Variants in PSMD1 observed in about 807,000 individuals in gnomAD.
The protein encoded by PSMD1 is 26S proteasome non-ATPase regulatory subunit 1.
Under a neutral mutation model 119.0 loss-of-function variants are expected in PSMD1, and 18 were observed. That is an observed-to-expected ratio of 0.15 (90% CI 0.10 to 0.22). The LOEUF (loss-of-function observed/expected upper bound fraction) is 0.22. Among genes scored for constraint, PSMD1 ranks in the 10% least tolerant of loss-of-function variants. PSMD1 has a pLI of 1.00. For missense variants in PSMD1, 702 were observed against 1,158.5 expected, an observed-to-expected ratio of 0.61 and a Z score of 5.72; for synonymous variants, 374 against 396.6, an observed-to-expected ratio of 0.94 and a Z score of 0.68.
intron 17 of PSMD1, among the ~76,000 whole-genome samples, chr2:231,142,010 GTAGC>G (rs1055721024): frequency 6.6e-6 from 1 of 152,106 alleles, no homozygotes; most frequent in Admixed American, 6.5e-5. Flanking sequence ...AGCTTCCTGA[GTAGC>G]TGGGATTACA....
At position 231,096,480 on chromosome 2, in the gene PSMD1, C is replaced by T. The variant is rs12620023; in HGVS notation, c.1883+9299C>T. 1.6e-3 allele frequency among the ~76,000 whole-genome samples: 240 copies of T among 152,304 alleles called. 1 individual carries two copies. The East Asian group carries it at 0.045, about 28-fold the overall frequency. ...GATGTTACTGGGACCCATTGCCCTT[C>T]TGCATGATGTTGTTTAAGATTTCTC... On this transcript the variant is annotated intron_variant, in intron 16 of 24. Coordinates refer to ENST00000308696, the MANE Select transcript of PSMD1 (RefSeq NM_002807.4).
chr2:231,077,219 A>AT (rs1559221062), intron 9 of PSMD1, 57 bp downstream of exon 9: 3 of 1,137,094 alleles, frequency 2.6e-6, no homozygotes, highest in Non-Finnish European at 2.4e-6. Context: ...TTTGTTGCAT[A>AT]TAAGTAATTA....
intron 5 of PSMD1, among the ~76,000 whole-genome samples, chr2:231,067,479 G>A (rs1430865303): frequency 2.0e-5 from 3 of 152,082 alleles, no homozygotes; most frequent in East Asian, 1.9e-4. Flanking sequence ...GTCACCAACC[G>A]AAGTGGTCAG....
chr2:231,118,232 A>C (rs1364360092), intron 16 of PSMD1, among the ~76,000 whole-genome samples: 1 of 152,136 alleles, frequency 6.6e-6, no homozygotes, highest in Non-Finnish European at 1.5e-5. Context: ...CACTCAATAA[A>C]TGTTAGTGCT....
chr2:231,098,460 T>G (rs1298476446), intron 16 of PSMD1, among the ~76,000 whole-genome samples: 1 of 147,244 alleles, frequency 6.8e-6, no homozygotes, highest in Non-Finnish European at 1.5e-5. Flanking sequence ...TCTCTCTCTC[T>G]GTCTCTTTCT....
intron 18 of PSMD1, among the ~76,000 whole-genome samples, chr2:231,148,587 C>G (rs1275359056): frequency 6.6e-6 from 1 of 152,086 alleles, no homozygotes; most frequent in East Asian, 1.9e-4. Flanking sequence ...GTAGCCTTTG[C>G]CAGTAATATA....
At chr2:231,157,579 T>TC (rs1316157116) in intron 19 of PSMD1, among the ~76,000 whole-genome samples, 5 of 144,686 alleles carry the variant, frequency 3.5e-5, no homozygotes, top group Non-Finnish European at 7.7e-5. Context: ...ATAAAAGTTC[T>TC]TTTTTTTGGG....
At chr2:231,122,625 A>G (rs996046454) in intron 16 of PSMD1, among the ~76,000 whole-genome samples, 2 of 152,138 alleles carry the variant, frequency 1.3e-5, no homozygotes, top group Non-Finnish European at 2.9e-5. Flanking sequence ...TCCAAATTTT[A>G]TAACTAGAGA....
chr2:231,170,680 C>A lies in PSMD1; in HGVS notation c.2830C>A (p.Pro944Thr). 6.2e-7 allele frequency: 1 copy of A among 1,613,762 alleles called. No individual in the cohort carries two copies. The highest frequency in any genetic ancestry group is 8.5e-7 in the Non-Finnish European group (1 of 1,179,874). The change falls in exon 24 of 25, where the codon CCC becomes ACC. Residue 944 changes from proline to threonine, a missense_variant. Pro to Thr is a conservative substitution (Grantham distance 38, BLOSUM62 -1). Around this residue, in one of 9 missense-constraint regions of PSMD1, gnomAD observed 152 missense variants for 239.3 expected, o/e 0.64. Coordinates refer to ENST00000308696, the MANE Select transcript of PSMD1 (RefSeq NM_002807.4). This position sits in a 1 kb window ranked among gnomAD's most constrained non-coding sequence, Gnocchi z 4.1. ...KIEEEEQEPE[P>T]PEPFEYIDD ...CGAGGAGGAGGAACAAGAGCCAGAA[C>A]CCCCAGAACCATTTGAGTATATTGA...
intron 10 of PSMD1, 48 bp downstream of exon 10, chr2:231,078,795 T>TTTC: frequency 1.8e-6 from 2 of 1,139,022 alleles, no homozygotes; most frequent in Admixed American, 2.6e-5. Context: ...CTTTTTCTTT[T>TTTC]TTTTTTTTTT....
At chr2:231,124,639 C>T (rs1032807216) in intron 16 of PSMD1, among the ~76,000 whole-genome samples, 3 of 152,248 alleles carry the variant, frequency 2.0e-5, no homozygotes, top group Admixed American at 6.5e-5. Flanking sequence ...AATTTCATCT[C>T]TCATGGTATG....
At chr2:231,156,978 A>G (rs1042318625) in intron 19 of PSMD1, among the ~76,000 whole-genome samples, 4 of 152,192 alleles carry the variant, frequency 2.6e-5, no homozygotes, top group Non-Finnish European at 5.9e-5. Flanking sequence ...AGATTTTCAT[A>G]TAGTTTGAAT....
intron 15 of PSMD1, 88 bp downstream of exon 15, chr2:231,085,202 G>A: frequency 3.8e-6 from 4 of 1,064,776 alleles, no homozygotes. Context: ...AGCATCCACA[G>A]CGCATGACCA....
At chr2:231,153,920 C>T (rs1430044513) in intron 19 of PSMD1, among the ~76,000 whole-genome samples, 1 of 151,754 alleles carries the variant, frequency 6.6e-6, no homozygotes, top group African/African-American at 2.4e-5. Flanking sequence ...TCGAGACCAG[C>T]CTGACCAACA....
chr2:231,080,780 T>C (rs1055188224), intron 12 of PSMD1, among the ~76,000 whole-genome samples: 2 of 152,202 alleles, frequency 1.3e-5, no homozygotes, highest in Admixed American at 6.5e-5. Context: ...AACTTCTATA[T>C]TGGAGTGAGG....
At chr2:231,097,540 A>G (rs556641198) in intron 16 of PSMD1, among the ~76,000 whole-genome samples, 3 of 152,334 alleles carry the variant, frequency 2.0e-5, no homozygotes, top group Admixed American at 2.0e-4. Flanking sequence ...CCATCTGACT[A>G]GTAGCCCCTA....
At chr2:231,123,686 TA>T (rs748077606) in intron 16 of PSMD1, 3 of 1,613,986 alleles carry the variant, frequency 1.9e-6, no homozygotes, top group Non-Finnish European at 2.5e-6. Context: ...TTAGAAGAGA[TA>T]ACGTGAACAA....
chr2:231,124,132 T>C (rs1695655737), intron 16 of PSMD1: 1 of 248,586 alleles, frequency 4.0e-6, no homozygotes, highest in Admixed American at 5.0e-5. Flanking sequence ...GAGTTCCCCC[T>C]AGATACAAAA....
intron 16 of PSMD1, among the ~76,000 whole-genome samples, chr2:231,088,321 T>C (rs1169637973): frequency 6.6e-6 from 1 of 152,212 alleles, no homozygotes; most frequent in African/African-American, 2.4e-5. Context: ...GACATCAGTG[T>C]TTCTCTTAGC....
Sources: allele counts gnomAD v4.1 joint callset (sites outside exome capture counted in the v4.1 genomes callset), GRCh38; gene constraint gnomAD v4.1.1; regional missense constraint gnomAD v4.1.1; non-coding constraint Gnocchi (gnomAD v3.1); transcripts MANE v1.5; gene names NCBI Gene and HGNC (gene_info 2026-07-23, HGNC 2026-07-21).